MSRA: variants seen among roughly 807,000 people sequenced by gnomAD.
The protein encoded by MSRA is methionine sulfoxide reductase A.
Under a neutral mutation model 31.3 loss-of-function variants are expected in MSRA, and 54 were observed. The ratio of observed to expected loss-of-function variants is 1.73; its 90% CI spans 1.39 to 2.17. MSRA has a LOEUF of 2.17. MSRA is among the 30% of genes most tolerant of loss of function. The pLI, the probability that MSRA is intolerant of heterozygous loss-of-function variation, is 0.00. For missense variants in MSRA, 507 were observed against 300.9 expected (o/e 1.69, Z -5.07); for synonymous variants, 169 against 116.5 (o/e 1.45, Z -2.90).
At chr8:10,260,407 G>A (rs982296695) in intron 3 of MSRA, among the ~76,000 whole-genome samples, 3 of 152,176 alleles carry the variant, frequency 2.0e-5, no homozygotes. Flanking sequence ...TTTCCACAGA[G>A]GAGACAGAGG....
intron 3 of MSRA, among the ~76,000 whole-genome samples, chr8:10,300,693 C>T (rs981609672): frequency 6.6e-6 from 1 of 152,152 alleles, no homozygotes; most frequent in African/African-American, 2.4e-5. Flanking sequence ...TTGCCAAATT[C>T]TTTACTACAC....
chr8:10,371,500 T>G (rs936218155), intron 5 of MSRA, among the ~76,000 whole-genome samples: 8 of 152,150 alleles, frequency 5.3e-5, no homozygotes, highest in African/African-American at 1.7e-4. Context: ...GTTCTCAGGT[T>G]TTTGCCTGCA....
At chr8:10,195,309 C>T (rs921870775) in intron 1 of MSRA, among the ~76,000 whole-genome samples, 12 of 152,178 alleles carry the variant, frequency 7.9e-5, no homozygotes, top group East Asian at 1.9e-4. Context: ...GGCACAATCT[C>T]GGCTCATTGC....
chr8:10,304,581 A>G (rs980567689), intron 4 of MSRA, among the ~76,000 whole-genome samples: 2 of 152,222 alleles, frequency 1.3e-5, no homozygotes, highest in Non-Finnish European at 2.9e-5. Context: ...CAAGGTCAGA[A>G]TTTGAAGCCT....
intron 5 of MSRA, among the ~76,000 whole-genome samples, chr8:10,405,178 A>G (rs1807725614): frequency 6.6e-6 from 1 of 152,184 alleles, no homozygotes; most frequent in African/African-American, 2.4e-5. Flanking sequence ...ACCATGTGCC[A>G]GGTCACTGAG....
At chr8:10,218,045 G>A (rs17151367) in intron 2 of MSRA, among the ~76,000 whole-genome samples, 5 of 151,850 alleles carry the variant, frequency 3.3e-5, no homozygotes, top group Admixed American at 2.0e-4. Flanking sequence ...CCGAGAGTGA[G>A]AGGGCTGATC....
chr8:10,179,926 A>G (rs1399149160), intron 1 of MSRA, among the ~76,000 whole-genome samples: 4 of 152,206 alleles, frequency 2.6e-5, no homozygotes, highest in African/African-American at 7.2e-5. Flanking sequence ...TGTTTCCTCT[A>G]CACTCACAAA....
At chr8:10,270,139 A>G (rs775075493) in intron 3 of MSRA, among the ~76,000 whole-genome samples, 9 of 152,240 alleles carry the variant, frequency 5.9e-5, no homozygotes, top group Non-Finnish European at 1.3e-4. Flanking sequence ...CAAGTTTCAC[A>G]TGGGAGCTTT....
At chr8:10,074,950 C>G (rs567147655) in intron 1 of MSRA, among the ~76,000 whole-genome samples, 6 of 152,286 alleles carry the variant, frequency 3.9e-5, no homozygotes, top group African/African-American at 1.4e-4. Flanking sequence ...TGAGCCACCA[C>G]GCCCGGCACC....
intron 5 of MSRA, among the ~76,000 whole-genome samples, chr8:10,360,858 G>T (rs939614723): frequency 6.6e-6 from 1 of 152,190 alleles, no homozygotes; most frequent in Non-Finnish European, 1.5e-5. Flanking sequence ...TGTGGAACTG[G>T]CTTTGGAGTT....
At chr8:10,425,563 C>G (rs369237851) in intron 5 of MSRA, among the ~76,000 whole-genome samples, 2 of 152,240 alleles carry the variant, frequency 1.3e-5, no homozygotes, top group African/African-American at 4.8e-5. Context: ...ATCCTTGTGC[C>G]TAGGAGGACA....
intron 1 of MSRA, among the ~76,000 whole-genome samples, chr8:10,092,737 C>G (rs368181108): frequency 6.6e-6 from 1 of 151,992 alleles, no homozygotes; most frequent in African/African-American, 2.4e-5. Context: ...TTTTCTGTTT[C>G]CTTGCTGATC....
intron 1 of MSRA, among the ~76,000 whole-genome samples, chr8:10,172,182 G>A (rs1805650703): frequency 6.6e-6 from 1 of 152,202 alleles, no homozygotes; most frequent in African/African-American, 2.4e-5. Flanking sequence ...ACGGACAAAG[G>A]CAGTGGGATC....
At chr8:10,179,761 G>T (rs1021955947) in intron 1 of MSRA, among the ~76,000 whole-genome samples, 4 of 152,174 alleles carry the variant, frequency 2.6e-5, no homozygotes, top group East Asian at 3.9e-4. Flanking sequence ...TGACTTTGTG[G>T]GTTGAGGTAA....
At chr8:10,243,014 A>C (rs2272597) in intron 2 of MSRA, among the ~76,000 whole-genome samples, 58,278 of 152,024 alleles carry the variant, frequency 0.38, 12,130 homozygotes, top group Non-Finnish European at 0.47. Context: ...AAGGGGATTA[A>C]ATATCTCTCT....
At chr8:10,346,355 T>C (rs1390262718) in intron 5 of MSRA, among the ~76,000 whole-genome samples, 2 of 152,172 alleles carry the variant, frequency 1.3e-5, no homozygotes, top group Non-Finnish European at 2.9e-5. Flanking sequence ...TAAGGTCCTC[T>C]CTAACATGGC....
At chr8:10,116,156 T>G (rs1800660801) in intron 1 of MSRA, among the ~76,000 whole-genome samples, 1 of 152,184 alleles carries the variant, frequency 6.6e-6, no homozygotes, top group African/African-American at 2.4e-5. Flanking sequence ...AAAACTCAAG[T>G]TAGATTATGG....
intron 5 of MSRA, among the ~76,000 whole-genome samples, chr8:10,360,561 G>GC (rs2129164889): frequency 6.6e-6 from 1 of 152,302 alleles, no homozygotes; most frequent in East Asian, 1.9e-4. Context: ...GGGAGACAGG[G>GC]CCCCTTGCCG....
intron 1 of MSRA, among the ~76,000 whole-genome samples, chr8:10,205,176 G>A (rs1159950751): frequency 2.6e-5 from 4 of 152,188 alleles, no homozygotes; most frequent in Non-Finnish European, 5.9e-5. Flanking sequence ...CCTTTGGAAA[G>A]ATAATTGTGG....
Sources: gnomAD v4.1 joint callset for allele counts (sites outside exome capture counted in the v4.1 genomes callset) on GRCh38, gnomAD v4.1.1 for gene constraint, MANE v1.5 for transcripts, NCBI Gene and HGNC (gene_info 2026-07-23, HGNC 2026-07-21) for gene names.